JAKMIP3: variants seen among roughly 807,000 people sequenced by gnomAD.
The protein encoded by JAKMIP3 is Janus kinase and microtubule interacting protein 3.
In JAKMIP3, 58 loss-of-function variants were observed where a neutral mutation model predicts 118.5. The ratio of observed to expected loss-of-function variants is 0.49; its 90% CI spans 0.40 to 0.61. JAKMIP3 has a LOEUF of 0.61. JAKMIP3 is among the 20% of genes least tolerant of loss of function. The pLI is 0.00. For missense variants in JAKMIP3, 950 were observed against 1,109.0 expected (o/e 0.86, Z 2.04); for synonymous variants, 486 against 451.2 (o/e 1.08, Z -0.98).
intron 3 of JAKMIP3, among the ~76,000 whole-genome samples, chr10:132,122,302 G>A (rs1262750728): frequency 6.7e-6 from 1 of 149,478 alleles, no homozygotes; most frequent in Non-Finnish European, 1.5e-5. Context: ...CCCCCCGGTC[G>A]GCTCCCCGGC....
intron 1 of JAKMIP3, among the ~76,000 whole-genome samples, chr10:132,100,154 G>C (rs2044601618): frequency 7.3e-6 from 1 of 136,694 alleles, no homozygotes; most frequent in South Asian, 2.4e-4. Flanking sequence ...ACAGTGTGCT[G>C]CCCTCACAGG....
rs987333114 is a variant in JAKMIP3 at position 132,147,966 on chromosome 10, G to A, written c.1764G>A (p.Glu588=). Residue 588 remains glutamate, a synonymous_variant, in exon 14 of 24, where the codon GAG becomes GAA. Transcript: ENST00000684848. ...QELVEKIKQM[E]TEEARLRHEV... ...TTATGTTGCAGATCAAACAAATGGAGACGGAAGAGGCTCGGCTCAGACACG... is the reference window on the plus strand; with the variant it reads ...TTATGTTGCAGATCAAACAAATGGAAACGGAAGAGGCTCGGCTCAGACACG... The A allele has an allele frequency of 1.2e-6, 2 of 1,607,712 alleles. No homozygotes were observed. Among genetic ancestry groups the A allele is most frequent in the Non-Finnish European group, 1.7e-6 (2 of 1,176,910 alleles).
At chr10:132,060,959 A>C (rs556329114), upstream of JAKMIP3, among the ~76,000 whole-genome samples, 47 of 152,288 alleles carry the variant, frequency 3.1e-4, no homozygotes, top group Admixed American at 3.1e-3. Flanking sequence ...TGGTGGGGGA[A>C]GGTTGCAGCG....
intron 23 of JAKMIP3, among the ~76,000 whole-genome samples, chr10:132,177,910 G>A (rs2060330432): frequency 6.8e-6 from 1 of 148,106 alleles, no homozygotes; most frequent in Non-Finnish European, 1.5e-5. Context: ...TGCACACTGT[G>A]CATTTGGTTG....
chr10:132,085,027 A>C (rs2042204744), intron 1 of JAKMIP3, among the ~76,000 whole-genome samples: 2 of 152,090 alleles, frequency 1.3e-5, no homozygotes, highest in African/African-American at 4.8e-5. Context: ...ATATTGGTCT[A>C]GTTTTCTTTT....
In JAKMIP3 at chr10:132,049,514, A is replaced by G. The variant is rs1311753011; in HGVS notation, c.-138+12776A>G. 1.3e-5 allele frequency among the ~76,000 whole-genome samples: 2 copies of G among 151,436 alleles called. No individual in the cohort carries two copies. The highest frequency in any genetic ancestry group is 1.5e-5 in the Non-Finnish European group (1 of 67,898). Reference sequence around the variant, plus strand: ...GATGCTTTTTTTTTTCCTGAGTTCAATACATTCTTTTTTCATTTCTCTGAT... The same window carrying G: ...GATGCTTTTTTTTTTCCTGAGTTCAGTACATTCTTTTTTCATTTCTCTGAT... On this transcript the variant is annotated intron_variant, in intron 1 of 23. Transcript: ENST00000657785. The surrounding 1 kb of genome is among the most constrained non-coding windows in gnomAD (Gnocchi z 4.3).
At chr10:132,042,199 C>CTTCCTTCCTTCT (rs2037781547) in intron 1 of JAKMIP3, among the ~76,000 whole-genome samples, 1 of 149,332 alleles carries the variant, frequency 6.7e-6, no homozygotes, top group South Asian at 2.1e-4. Flanking sequence ...TCCTTCCTTC[C>CTTCCTTCCTTCT]TTCCTTCCTT....
chr10:132,137,440 C>T (rs2052034653), intron 8 of JAKMIP3, among the ~76,000 whole-genome samples, 151 bp downstream of exon 8: 1 of 152,220 alleles, frequency 6.6e-6, no homozygotes, highest in Non-Finnish European at 1.5e-5. Flanking sequence ...GCCACCTGGC[C>T]AAGGCTGTGC....
intron 9 of JAKMIP3, among the ~76,000 whole-genome samples, 191 bp from the exon 10 acceptor site, chr10:132,140,260 G>A (rs1057258148): frequency 3.5e-5 from 5 of 143,626 alleles, no homozygotes; most frequent in African/African-American, 5.0e-5. Context: ...TTCCCCACCC[G>A]CCCTGCCAGC....
At chr10:132,162,261 C>T (rs889916641) in intron 19 of JAKMIP3, among the ~76,000 whole-genome samples, 2 of 152,312 alleles carry the variant, frequency 1.3e-5, no homozygotes, top group Middle Eastern at 3.4e-3. Context: ...GTGTGGCTGC[C>T]GAAGGCAGGG....
Position 132,142,054 on chromosome 10 carries a change from C to A in JAKMIP3, c.1602+6C>A. 6.5e-7 allele frequency: 1 copy of A among 1,546,858 alleles called. No individual in the cohort carries two copies. Among genetic ancestry groups the A allele is most frequent in the Non-Finnish European group, 8.7e-7 (1 of 1,151,840 alleles). On this transcript the variant is annotated splice_donor_region_variant and intron_variant, in intron 11 of 23. Transcript: ENST00000684848. ...ACGCAGAGCGAGAAGTTAAGGTCTA[C>A]GTGACTTCCACCGCGCGTTCCGGCC...
chr10:132,149,598 C>CA, intron 15 of JAKMIP3, 88 bp downstream of exon 15: 1 of 302,072 alleles, frequency 3.3e-6, no homozygotes, highest in African/African-American at 6.6e-5. Flanking sequence ...CCCCCCTCCG[C>CA]CCCCGCCCCA....
chr10:132,077,573 G>A (rs954622329), intron 1 of JAKMIP3, among the ~76,000 whole-genome samples: 1 of 152,248 alleles, frequency 6.6e-6, no homozygotes, highest in Non-Finnish European at 1.5e-5. Context: ...ACATGATTAT[G>A]TAGATGAGGT....
At chr10:132,095,621 G>A (rs1038741270) in intron 1 of JAKMIP3, among the ~76,000 whole-genome samples, 2 of 152,138 alleles carry the variant, frequency 1.3e-5, no homozygotes, top group Admixed American at 6.5e-5. Context: ...GGGTTCTCTC[G>A]GCTTTCCCGA....
intron 1 of JAKMIP3, among the ~76,000 whole-genome samples, chr10:132,090,491 T>C (rs1473491228): frequency 3.3e-5 from 5 of 152,248 alleles, no homozygotes; most frequent in Non-Finnish European, 1.5e-5. Flanking sequence ...TTCTAGTTTA[T>C]TTGCGTAGAG....
intron 19 of JAKMIP3, among the ~76,000 whole-genome samples, chr10:132,159,297 C>G (rs1337198403): frequency 1.6e-4 from 15 of 96,228 alleles, no homozygotes; most frequent in East Asian, 3.2e-4. Context: ...ATGCTGGGGG[C>G]GCCTCTCCCT....
chr10:132,097,909 TTCCCCTTCCCCTTTCCTTC>T (rs2044155274), intron 1 of JAKMIP3, among the ~76,000 whole-genome samples: 3 of 47,912 alleles, frequency 6.3e-5, no homozygotes, highest in East Asian at 1.1e-3. Context: ...CCCCTTCCCC[TTCCCCTTCCCCTTTCCTTC>T]CCCTTCCCCT....
intron 1 of JAKMIP3, among the ~76,000 whole-genome samples, chr10:132,077,672 CAG>C (rs761364585): frequency 5.9e-5 from 9 of 152,206 alleles, no homozygotes; most frequent in Non-Finnish European, 1.2e-4. Flanking sequence ...TTTTTTGAGA[CAG>C]AGTTTCACTC....
chr10:132,150,283 G>T (rs1388058036), intron 16 of JAKMIP3, among the ~76,000 whole-genome samples: 2 of 152,028 alleles, frequency 1.3e-5, no homozygotes, highest in East Asian at 3.9e-4. Flanking sequence ...CCATCACATT[G>T]CCCAGCTTCT....
Sources: allele counts gnomAD v4.1 joint callset (sites outside exome capture counted in the v4.1 genomes callset), GRCh38; gene constraint gnomAD v4.1.1; non-coding constraint Gnocchi (gnomAD v3.1); transcripts MANE v1.5; gene names NCBI Gene and HGNC (gene_info 2026-07-23, HGNC 2026-07-21).